The following RASA1 variants were observed in gnomAD, a reference collection of about 807,000 sequenced individuals.
The protein encoded by RASA1 is ras GTPase-activating protein 1.
A neutral mutation model predicts 132.2 loss-of-function variants in RASA1; 25 were observed. The ratio of observed to expected loss-of-function variants is 0.19; its 90% CI spans 0.14 to 0.26. RASA1 has a LOEUF of 0.26. RASA1 is among the 10% of genes least tolerant of loss of function. The pLI is 1.00. For synonymous variants in RASA1, 477 were observed against 449.9 expected, an observed-to-expected ratio of 1.06 and a Z score of -0.76; for missense variants, 964 against 1,299.2, an observed-to-expected ratio of 0.74 and a Z score of 3.97.
chr5:87,367,643 C>T (rs1226036453), intron 11 of RASA1, among the ~76,000 whole-genome samples: 1 of 152,172 alleles, frequency 6.6e-6, no homozygotes, highest in Non-Finnish European at 1.5e-5. Context: ...GTCTTAGTGA[C>T]ACAAAGTTAT....
intron 5 of RASA1, among the ~76,000 whole-genome samples, chr5:87,339,037 C>G (rs1357459418): frequency 6.6e-6 from 1 of 152,090 alleles, no homozygotes; most frequent in Non-Finnish European, 1.5e-5. Context: ...TTCTCCCTTT[C>G]CTTTCGGATT....
chr5:87,363,569 C>G lies in RASA1; in HGVS notation c.1610+65C>G, dbSNP rs912951764. 12 of 1,541,776 alleles carry G rather than the reference C, an allele frequency of 7.8e-6. No individual in the cohort carries two copies. The African/African-American group carries it at 1.6e-4, about 21-fold the overall frequency. ...TAATAATAAAATAGTACAAACAAAG[C>G]AAACCAATTTTGAGAGCCCTAAAAT... On this transcript the variant is annotated intron_variant, in intron 11 of 24. Transcript: ENST00000274376.
intron 11 of RASA1, among the ~76,000 whole-genome samples, chr5:87,365,253 A>G (rs1018609801): frequency 2.0e-5 from 3 of 152,138 alleles, no homozygotes; most frequent in South Asian, 2.1e-4. Flanking sequence ...AATGTTTTAT[A>G]TTTCAAAAAT....
At chr5:87,382,693 AATC>A (rs1761802833) in intron 20 of RASA1, among the ~76,000 whole-genome samples, 1 of 152,172 alleles carries the variant, frequency 6.6e-6, no homozygotes, top group Non-Finnish European at 1.5e-5. Context: ...TAGCAGATAA[AATC>A]ATATATGACA....
chr5:87,372,201 G>A lies in RASA1; in HGVS notation c.1776+6G>A. On this transcript the variant is annotated splice_donor_region_variant and intron_variant, in intron 13 of 24. Transcript: ENST00000274376. ...CCAATAAACGCCTTCGTCAGGTGAA[G>A]CTTAATTTTCTTGGATTTTTAATTG... 6.2e-7 allele frequency: 1 copy of A among 1,612,268 alleles called. No homozygotes were observed.
chr5:87,337,004 TAGG>T (rs1758023303), intron 4 of RASA1, among the ~76,000 whole-genome samples: 1 of 152,044 alleles, frequency 6.6e-6, no homozygotes, highest in East Asian at 1.9e-4. Flanking sequence ...CTTTCAAGGA[TAGG>T]AGAAGAGATT....
At chr5:87,287,295 C>T (rs1413643027) in intron 1 of RASA1, among the ~76,000 whole-genome samples, 9 of 143,514 alleles carry the variant, frequency 6.3e-5, no homozygotes, top group African/African-American at 2.4e-4. Context: ...CATATATATA[C>T]ACCATATATA....
chr5:87,369,546 C>T (rs1760777199), intron 11 of RASA1, among the ~76,000 whole-genome samples: 1 of 151,996 alleles, frequency 6.6e-6, no homozygotes, highest in Non-Finnish European at 1.5e-5. Context: ...CTGTTTGTAA[C>T]TTTATTTCTA....
At chr5:87,306,230 A>G (rs1187596961) in intron 1 of RASA1, among the ~76,000 whole-genome samples, 2 of 152,212 alleles carry the variant, frequency 1.3e-5, no homozygotes, top group African/African-American at 4.8e-5. Context: ...ATGCCTGTCA[A>G]TAATAGACTG....
intron 9 of RASA1, among the ~76,000 whole-genome samples, chr5:87,359,427 C>T (rs1365498049): frequency 6.6e-6 from 1 of 152,160 alleles, no homozygotes; most frequent in Non-Finnish European, 1.5e-5. Flanking sequence ...TGTTTTTGCC[C>T]ATAGCATCTT....
At chr5:87,334,740 G>A (rs971859061) in intron 4 of RASA1, among the ~76,000 whole-genome samples, 4 of 152,184 alleles carry the variant, frequency 2.6e-5, no homozygotes, top group Non-Finnish European at 4.4e-5. Context: ...TGATGAGGGA[G>A]TAAAAAATAT....
At chr5:87,389,022 A>G (rs1370314226) in intron 23 of RASA1, among the ~76,000 whole-genome samples, 1 of 152,232 alleles carries the variant, frequency 6.6e-6, no homozygotes, top group Non-Finnish European at 1.5e-5. Context: ...CAAAGGTTAC[A>G]AAGTCTATAT....
At chr5:87,340,687 A>AG (rs1227562416) in intron 5 of RASA1, among the ~76,000 whole-genome samples, 1 of 152,184 alleles carries the variant, frequency 6.6e-6, no homozygotes, top group Admixed American at 6.5e-5. Context: ...TTACGGGCTC[A>AG]GAATGTCTTA....
At chr5:87,283,156 T>G (rs1445849720) in intron 1 of RASA1, among the ~76,000 whole-genome samples, 1 of 151,230 alleles carries the variant, frequency 6.6e-6, no homozygotes, top group Non-Finnish European at 1.5e-5. Flanking sequence ...GTGTTTTTTT[T>G]TTTTTTGGTT....
intron 21 of RASA1, 115 bp from the exon 22 acceptor site, chr5:87,385,186 G>T: frequency 1.4e-6 from 1 of 739,016 alleles, no homozygotes. Flanking sequence ...AGTTCCGAAT[G>T]GAAGAATGGG....
At chr5:87,322,920 G>A (rs1756935288) in intron 1 of RASA1, among the ~76,000 whole-genome samples, 1 of 152,200 alleles carries the variant, frequency 6.6e-6, no homozygotes, top group Admixed American at 6.5e-5. Flanking sequence ...AGAGAAGTGT[G>A]AGAGTGTCTG....
At chr5:87,381,648 T>C (rs1761723650) in intron 20 of RASA1, among the ~76,000 whole-genome samples, 1 of 152,162 alleles carries the variant, frequency 6.6e-6, no homozygotes, top group South Asian at 2.1e-4. Context: ...GAACTACAGA[T>C]TCTGTTTTTC....
intron 4 of RASA1, among the ~76,000 whole-genome samples, chr5:87,334,312 G>A (rs980540275): frequency 2.0e-5 from 3 of 152,186 alleles, no homozygotes; most frequent in South Asian, 2.1e-4. Context: ...TAAGGCAGCA[G>A]AAAGGGATGA....
At chr5:87,374,809 T>C (rs1171692497) in intron 14 of RASA1, 31 bp from the exon 15 acceptor site, 1 of 1,607,406 alleles carries the variant, frequency 6.2e-7, no homozygotes, top group South Asian at 1.1e-5. Flanking sequence ...CCAAAACATT[T>C]TGTTAATTCT....
Sources: gnomAD v4.1 joint callset for allele counts (sites outside exome capture counted in the v4.1 genomes callset) on GRCh38, gnomAD v4.1.1 for gene constraint, MANE v1.5 for transcripts, NCBI Gene and HGNC (gene_info 2026-07-23, HGNC 2026-07-21) for gene names.